The following PPP6R3 variants were observed in gnomAD, a reference collection of about 807,000 sequenced individuals.
PPP6R3 encodes the protein protein phosphatase 6 regulatory subunit 3.
In PPP6R3, 38 loss-of-function variants were observed where a neutral mutation model predicts 110.7. That is an observed-to-expected ratio of 0.34 (90% CI 0.26 to 0.45). The LOEUF (loss-of-function observed/expected upper bound fraction) is 0.45, where lower values mean the gene tolerates loss of function less well. Ranked by LOEUF, PPP6R3 falls within the 20% of genes least tolerant of loss-of-function variation. The pLI is 1.00. For missense variants in PPP6R3, 870 were observed against 1,062.4 expected, an observed-to-expected ratio of 0.82 and a Z score of 2.52; for synonymous variants, 369 against 373.5, an observed-to-expected ratio of 0.99 and a Z score of 0.14.
intron 19 of PPP6R3, among the ~76,000 whole-genome samples, chr11:68,599,144 C>T (rs952517798): frequency 6.6e-6 from 1 of 152,206 alleles, no homozygotes; most frequent in African/African-American, 2.4e-5. Context: ...CCTTAAATAA[C>T]TTATACCAGT....
At position 68,543,931 on chromosome 11, in the gene PPP6R3, C is replaced by T. The variant is rs141425093; in HGVS notation, c.228-907C>T. ...TTGTCAGAGGCAAGCATTTCTAAAG[C>T]CATGGGGTCTGTAGAAGAGCCTGTG... On this transcript the variant is annotated intron_variant, in intron 3 of 23. Coordinates refer to ENST00000393800, the MANE Select transcript of PPP6R3 (RefSeq NM_001164161.2). Among the ~76,000 whole-genome samples the T allele has an allele frequency of 5.3e-5, 8 of 152,248 alleles. No homozygotes were observed. In the East Asian group the frequency reaches 1.5e-3, roughly 29 times the overall value.
intron 1 of PPP6R3, among the ~76,000 whole-genome samples, chr11:68,508,987 T>C (rs1038460836): frequency 6.6e-6 from 1 of 152,238 alleles, no homozygotes; most frequent in Non-Finnish European, 1.5e-5. Context: ...TCTAAGAGAA[T>C]AGTCTAATGC....
intron 1 of PPP6R3, among the ~76,000 whole-genome samples, chr11:68,471,045 G>C (rs1472261450): frequency 2.0e-5 from 3 of 151,978 alleles, no homozygotes; most frequent in Non-Finnish European, 2.9e-5. Flanking sequence ...CACTTTGGGA[G>C]GCTGAGACGG....
chr11:68,592,530 T>TGTTGCCACAG (rs1020170857), intron 18 of PPP6R3, among the ~76,000 whole-genome samples: 5 of 152,238 alleles, frequency 3.3e-5, no homozygotes, highest in Admixed American at 3.3e-4. Flanking sequence ...TGGGAATGCT[T>TGTTGCCACAG]GTTGCCACAG....
At chr11:68,465,690 GC>G (rs2098740646) in intron 1 of PPP6R3, among the ~76,000 whole-genome samples, 1 of 152,162 alleles carries the variant, frequency 6.6e-6, no homozygotes, top group Non-Finnish European at 1.5e-5. Context: ...TGATGAACAG[GC>G]CCTTAAGGAC....
At chr11:68,590,863 A>G (rs2099593014) in intron 17 of PPP6R3, 149 bp downstream of exon 17, 7 of 957,792 alleles carry the variant, frequency 7.3e-6, no homozygotes, top group Admixed American at 3.6e-5. Flanking sequence ...CCCACGGCCT[A>G]CCTGGCACCC....
At chr11:68,561,671 A>T (rs2099421979) in intron 8 of PPP6R3, among the ~76,000 whole-genome samples, 1 of 152,238 alleles carries the variant, frequency 6.6e-6, no homozygotes. Flanking sequence ...AAGAAAAAAC[A>T]TATCATCATT....
intron 23 of PPP6R3, 182 bp from the exon 24 acceptor site, chr11:68,612,884 A>C: frequency 8.3e-7 from 1 of 1,208,230 alleles, no homozygotes; most frequent in Non-Finnish European, 1.1e-6. Flanking sequence ...GCTTAGATGC[A>C]CTCACTCAGA....
intron 2 of PPP6R3, chr11:68,535,301 T>C (rs1412069193): frequency 6.6e-6 from 1 of 152,214 alleles, no homozygotes; most frequent in South Asian, 2.1e-4. Flanking sequence ...GGAGTTGTGC[T>C]TCTCTAGCAT....
intron 3 of PPP6R3, among the ~76,000 whole-genome samples, chr11:68,539,446 C>T (rs758250080): frequency 6.6e-6 from 1 of 152,134 alleles, no homozygotes; most frequent in Admixed American, 6.5e-5. Context: ...GTGTTTTTGC[C>T]TTTGAGGTTG....
chr11:68,513,253 C>G (rs1487857253), intron 1 of PPP6R3, among the ~76,000 whole-genome samples: 1 of 152,116 alleles, frequency 6.6e-6, no homozygotes, highest in Non-Finnish European at 1.5e-5. Flanking sequence ...TCTCATGTAT[C>G]TGTATACATA....
chr11:68,598,201 C>T (rs1566116173), intron 19 of PPP6R3, among the ~76,000 whole-genome samples: 3 of 152,176 alleles, frequency 2.0e-5, no homozygotes, highest in Non-Finnish European at 4.4e-5. Flanking sequence ...TTGTGACTGG[C>T]TTGTTTCCCT....
intron 12 of PPP6R3, chr11:68,571,321 G>A: frequency 1.8e-6 from 1 of 562,846 alleles, no homozygotes; most frequent in South Asian, 2.3e-5. Context: ...AAACAAGTGA[G>A]TTCGGAGTGT....
chr11:68,602,113 G>A (rs914538302), intron 21 of PPP6R3, 144 bp downstream of exon 21: 1 of 605,172 alleles, frequency 1.7e-6, no homozygotes, highest in Non-Finnish European at 2.8e-6. Flanking sequence ...GAAAGAAATT[G>A]TGCCTGTCCT....
intron 1 of PPP6R3, among the ~76,000 whole-genome samples, chr11:68,488,394 G>C (rs1041055234): frequency 6.6e-6 from 1 of 152,092 alleles, no homozygotes; most frequent in Admixed American, 6.5e-5. Context: ...GCCTGGTCTT[G>C]AGCTCCTGGG....
intron 22 of PPP6R3, among the ~76,000 whole-genome samples, chr11:68,608,318 A>G (rs1412497833): frequency 6.6e-6 from 1 of 152,236 alleles, no homozygotes; most frequent in Non-Finnish European, 1.5e-5. Context: ...CAAACAAACA[A>G]AAATGCTCAA....
chr11:68,566,286 T>C (rs2099468574), intron 9 of PPP6R3, among the ~76,000 whole-genome samples: 1 of 151,914 alleles, frequency 6.6e-6, no homozygotes, highest in Non-Finnish European at 1.5e-5. Flanking sequence ...CACTTCTTCT[T>C]CTTCTTTATT....
At chr11:68,493,615 C>CTA (rs1694992475) in intron 1 of PPP6R3, among the ~76,000 whole-genome samples, 1 of 68,478 alleles carries the variant, frequency 1.5e-5, no homozygotes, top group Admixed American at 1.5e-4. Context: ...AAAAACAAAA[C>CTA]CATATATATA....
chr11:68,477,738 AAAAATAT>A (rs1247952262), intron 1 of PPP6R3, among the ~76,000 whole-genome samples: 23 of 88,498 alleles, frequency 2.6e-4, no homozygotes, highest in African/African-American at 8.9e-4. Flanking sequence ...TAAAAAAAAA[AAAAATAT>A]ATATATATAT....
Sources: gnomAD v4.1 joint callset for allele counts (sites outside exome capture counted in the v4.1 genomes callset) on GRCh38, gnomAD v4.1.1 for gene constraint, MANE v1.5 for transcripts, NCBI Gene and HGNC (gene_info 2026-07-23, HGNC 2026-07-21) for gene names.